Variants in UMOD observed in about 807,000 individuals in gnomAD.
UMOD encodes the protein uromodulin.
A neutral mutation model predicts 66.0 loss-of-function variants in UMOD; 64 were observed. The observed-to-expected ratio is 0.97, with a 90% CI of 0.79 to 1.19. UMOD has a LOEUF of 1.19. Among genes scored for constraint, UMOD ranks in the 50% most tolerant of loss-of-function variants. The pLI, the probability that UMOD is intolerant of heterozygous loss-of-function variation, is 0.00. For missense variants in UMOD, 764 were observed against 850.9 expected (o/e 0.90, Z 1.27); for synonymous variants, 398 against 352.7 (o/e 1.13, Z -1.44).
intron 4 of UMOD, 105 bp downstream of exon 4, chr16:20,348,118 C>T: frequency 9.9e-7 from 1 of 1,015,032 alleles, no homozygotes; most frequent in Non-Finnish European, 1.5e-6. Flanking sequence ...ATATATATCC[C>T]CTGCGTCATA....
intron 6 of UMOD, among the ~76,000 whole-genome samples, chr16:20,341,861 A>G (rs1411457379): frequency 1.3e-5 from 2 of 152,246 alleles, no homozygotes; most frequent in African/African-American, 2.4e-5. Context: ...AGGTTTATAA[A>G]TGAGTTATTT....
intron 10 of UMOD, among the ~76,000 whole-genome samples, chr16:20,333,907 G>A (rs1240627921): frequency 2.6e-5 from 4 of 151,916 alleles, no homozygotes; most frequent in African/African-American, 9.7e-5. Context: ...GGTGGTGCAC[G>A]CCTGTAGTTC....
chr16:20,346,627 T>C (rs911249774), intron 4 of UMOD, among the ~76,000 whole-genome samples: 4 of 152,076 alleles, frequency 2.6e-5, no homozygotes, highest in Non-Finnish European at 4.4e-5. Flanking sequence ...TAACAATGAA[T>C]ACTCGTTTAA....
intron 4 of UMOD, 63 bp from the exon 5 acceptor site, chr16:20,346,397 A>G: frequency 6.4e-7 from 1 of 1,565,366 alleles, no homozygotes; most frequent in Non-Finnish European, 8.8e-7. Flanking sequence ...GCACATCCCC[A>G]GGGGCCAGGT....
At chr16:20,337,597 AT>A in intron 7 of UMOD, 144 bp from the exon 8 acceptor site, 10 of 959,928 alleles carry the variant, frequency 1.0e-5, no homozygotes, top group Non-Finnish European at 1.3e-5. Flanking sequence ...CAATTTCTCC[AT>A]CTGTACATAA....
intron 9 of UMOD, among the ~76,000 whole-genome samples, chr16:20,336,418 C>T (rs982296325): frequency 6.6e-6 from 1 of 152,182 alleles, no homozygotes; most frequent in Non-Finnish European, 1.5e-5. Context: ...TGGCCTCCCC[C>T]GTGTCCTGTG....
chr16:20,348,554 C>T lies in UMOD; in HGVS notation c.747G>A (p.Ala249=). The change falls in exon 3 of 11, where the codon GCG becomes GCA. Residue 249 remains alanine (A), a synonymous_variant. Transcript: ENST00000396138. Reference sequence around the variant, plus strand: ...ACAGGCAGCAGTGGCCGCTCCAGTGCGCGCAGGCCTTGCGGCTCACGATGC... The same window carrying T: ...ACAGGCAGCAGTGGCCGCTCCAGTGTGCGCAGGCCTTGCGGCTCACGATGC... ...DEGIVSRKAC[A]HWSGHCCLWD... The T allele has an allele frequency of 6.2e-7, 1 of 1,600,134 alleles. No homozygotes were observed. Among genetic ancestry groups the T allele is most frequent in the Non-Finnish European group, 8.5e-7 (1 of 1,177,234 alleles).
At chr16:20,341,634 C>G (rs1567303689) in intron 6 of UMOD, among the ~76,000 whole-genome samples, 2 of 152,192 alleles carry the variant, frequency 1.3e-5, no homozygotes, top group Non-Finnish European at 1.5e-5. Flanking sequence ...TCAATCACAT[C>G]TCAAGTAACA....
chr16:20,353,771 T>A (rs77464200), upstream of UMOD, among the ~76,000 whole-genome samples: 5 of 152,094 alleles, frequency 3.3e-5, no homozygotes, highest in Non-Finnish European at 5.9e-5. Flanking sequence ...TTTTTTTTTT[T>A]TATACTTTAA....
At chr16:20,349,854 C>T (rs1255665342) in intron 2 of UMOD, 4 of 1,547,372 alleles carry the variant, frequency 2.6e-6, no homozygotes, top group Admixed American at 4.0e-5. Context: ...CCTGGCTGGG[C>T]AGTTGTACTT....
Position 20,346,076 on chromosome 16 carries a change from G to A in UMOD, c.1182+50C>T, listed in dbSNP as rs4506906. On this transcript the variant is annotated intron_variant, in intron 5 of 10. Transcript: ENST00000396138. ...ATAACTAGGAAGTGATAGAGCTGAAGCTTGAACCAGGCAGTGCTCTGGTTC... is the reference window on the plus strand; with the variant it reads ...ATAACTAGGAAGTGATAGAGCTGAAACTTGAACCAGGCAGTGCTCTGGTTC... 0.57 allele frequency: 898,828 copies of A among 1,568,894 alleles called. 274,825 individuals carry two copies. Among genetic ancestry groups the A allele is most frequent in the Non-Finnish European group, 0.64 (735,188 of 1,142,608 alleles).
rs1310015332 is a variant in UMOD, at chr16:20,348,999, G to T, written c.302C>A (p.Ser101Ter). 4 of 1,579,808 alleles carry T rather than the reference G, an allele frequency of 2.5e-6. No individual in the cohort carries two copies. In the Admixed American group the frequency reaches 5.5e-5, roughly 22 times the overall value. Residue 101 changes from serine to a stop codon, truncating the protein, a stop_gained, in exon 3 of 11, where the codon TCG (serine) becomes TAG (stop). Transcript: ENST00000396138. LOFTEE classifies it high-confidence loss of function. ...SCVCPEGFRL[S>*]PGLGCTDVDE... Reference sequence around the variant, plus strand: ...CACGTCTGTGCAGCCGAGACCGGGCGACAGGCGGAAGCCTTCGGGGCAGAC... The same window carrying T: ...CACGTCTGTGCAGCCGAGACCGGGCTACAGGCGGAAGCCTTCGGGGCAGAC...
Position 20,336,730 on chromosome 16 carries a change from A to C in UMOD, c.1741-3T>G, listed in dbSNP as rs910559695. The C allele has an allele frequency of 6.2e-6, 10 of 1,613,828 alleles. No homozygotes were observed. The highest frequency in any genetic ancestry group is 7.6e-6 in the Non-Finnish European group (9 of 1,179,854). On this transcript the variant is annotated splice_polypyrimidine_tract_variant and splice_region_variant and intron_variant, in intron 8 of 10. Coordinates refer to ENST00000396138, the MANE Select transcript of UMOD (RefSeq NM_003361.4). Reference sequence around the variant, plus strand: ...CGGAATCTGGTCCCAGAGCAGGTCTACAGGGAGAGGGCAATAGAAAAACAC... The same window carrying C: ...CGGAATCTGGTCCCAGAGCAGGTCTCCAGGGAGAGGGCAATAGAAAAACAC...
chr16:20,341,046 T>A, intron 7 of UMOD, 45 bp downstream of exon 7: 6 of 1,473,502 alleles, frequency 4.1e-6, no homozygotes, highest in Non-Finnish European at 5.6e-6. Context: ...AAAGACCCCC[T>A]CTGAATTCTA....
chr16:20,339,488 T>C (rs560625500), intron 7 of UMOD, among the ~76,000 whole-genome samples: 9 of 152,346 alleles, frequency 5.9e-5, no homozygotes, highest in Admixed American at 3.9e-4. Flanking sequence ...TTGTATTAAG[T>C]TTGAGTTAGA....
upstream of UMOD, among the ~76,000 whole-genome samples, chr16:20,353,072 C>A (rs1020251896): frequency 2.6e-5 from 4 of 152,108 alleles, no homozygotes; most frequent in South Asian, 6.2e-4. Context: ...GATCAAGGAG[C>A]CAGGCAGAAG....
At position 20,348,581 on chromosome 16, in the gene UMOD, C is replaced by A; in HGVS notation, c.720G>T (p.Glu240Asp). ...WLNGTHPSSD[E>D]GIVSRKACAH... ...CGCAGGCCTTGCGGCTCACGATGCCCTCGTCGCTGGACGGATGCGTGCCAT... is the reference window on the plus strand; with the variant it reads ...CGCAGGCCTTGCGGCTCACGATGCCATCGTCGCTGGACGGATGCGTGCCAT... Residue 240 changes from glutamate (E) to aspartate (D), a missense_variant, in exon 3 of 11, where the codon GAG becomes GAT. By Grantham distance (45) the Glu-to-Asp change is conservative (BLOSUM62 2). Coordinates refer to ENST00000396138, the MANE Select transcript of UMOD (RefSeq NM_003361.4). 1 of 1,594,776 alleles carries A rather than the reference C, an allele frequency of 6.3e-7. No homozygotes were observed. Among genetic ancestry groups the A allele is most frequent in the Non-Finnish European group, 8.5e-7 (1 of 1,175,408 alleles).
intron 8 of UMOD, among the ~76,000 whole-genome samples, 184 bp downstream of exon 8, chr16:20,337,107 T>G (rs1370751305): frequency 6.6e-6 from 1 of 152,180 alleles, no homozygotes; most frequent in Non-Finnish European, 1.5e-5. Flanking sequence ...CTGCCGCACT[T>G]TACTGATCCC....
intron 1 of UMOD, 96 bp from the exon 2 acceptor site, chr16:20,350,935 G>T: frequency 1.5e-6 from 2 of 1,313,712 alleles, no homozygotes; most frequent in Non-Finnish European, 2.0e-6. Context: ...ACTCCAGGAG[G>T]TGTCACTTAT....
Sources: allele counts gnomAD v4.1 joint callset (sites outside exome capture counted in the v4.1 genomes callset), GRCh38; gene constraint gnomAD v4.1.1; transcripts MANE v1.5; gene names NCBI Gene and HGNC (gene_info 2026-07-23, HGNC 2026-07-21).